Variants in ENTREP1 observed in about 807,000 individuals in gnomAD.
The protein encoded by ENTREP1 is Friedreich ataxia region gene X123.
the ENTREP1 span, among the ~76,000 whole-genome samples, chr9:69,346,577 T>A: frequency 1.3e-5 from 2 of 152,354 alleles, no homozygotes; most frequent in East Asian, 3.9e-4. Context: ...ATAGTGATAT[T>A]TTACTTTTAT....
chr9:69,340,681 GCATGTGTGTGTGTA>G, the ENTREP1 span, among the ~76,000 whole-genome samples: 2 of 46,260 alleles, frequency 4.3e-5, no homozygotes, highest in Admixed American at 2.4e-4. Context: ...GTGTGTGCAT[GCATGTGTGTGTGTA>G]TGTGTGTGTG....
the ENTREP1 span, among the ~76,000 whole-genome samples, chr9:69,360,138 T>C: frequency 6.6e-6 from 1 of 152,250 alleles, no homozygotes; most frequent in Non-Finnish European, 1.5e-5. Context: ...TCCGAGTTCA[T>C]GTTTTTTATT....
the ENTREP1 span, among the ~76,000 whole-genome samples, chr9:69,341,043 T>A: frequency 1.3e-5 from 2 of 152,242 alleles, no homozygotes; most frequent in African/African-American, 2.4e-5. Flanking sequence ...TTTAAAAAAA[T>A]TTTTCTTTGG....
the ENTREP1 span, chr9:69,324,757 C>T: frequency 1.0e-6 from 1 of 985,714 alleles, no homozygotes; most frequent in Non-Finnish European, 1.2e-6. Context: ...CCTCCTTGGG[C>T]AAAAGTTTAA....
the ENTREP1 span, chr9:69,324,604 G>C: frequency 1.0e-6 from 1 of 985,278 alleles, no homozygotes; most frequent in South Asian, 4.7e-5. Context: ...CCGAGATGCC[G>C]GGAAAGCACT....
chr9:69,339,580 A>C, the ENTREP1 span, among the ~76,000 whole-genome samples: 1 of 152,158 alleles, frequency 6.6e-6, no homozygotes, highest in South Asian at 2.1e-4. Context: ...CCTCTGCCTC[A>C]GTTTCCCGAG....
At chr9:69,359,379 T>C in the ENTREP1 span, among the ~76,000 whole-genome samples, 1 of 152,288 alleles carries the variant, frequency 6.6e-6, no homozygotes, top group African/African-American at 2.4e-5. Context: ...TCATCTTGAA[T>C]TGTAATTCCC....
chr9:69,325,637 TG>T, the ENTREP1 span: 3 of 1,231,202 alleles, frequency 2.4e-6, no homozygotes, highest in South Asian at 1.2e-4. Context: ...CTTGGGCTGC[TG>T]CATGGTGGCG....
At chr9:69,360,905 A>G in the ENTREP1 span, among the ~76,000 whole-genome samples, 1 of 152,196 alleles carries the variant, frequency 6.6e-6, no homozygotes, top group Non-Finnish European at 1.5e-5. Context: ...TTGCAAAAAA[A>G]AAAAGTAAAA....
chr9:69,330,397 A>G, the ENTREP1 span, among the ~76,000 whole-genome samples: 2 of 152,158 alleles, frequency 1.3e-5, no homozygotes, highest in African/African-American at 4.8e-5. Flanking sequence ...ATTATTCTTT[A>G]TCAGTTGTAT....
the ENTREP1 span, among the ~76,000 whole-genome samples, chr9:69,363,623 C>G: frequency 1.3e-5 from 2 of 152,300 alleles, no homozygotes; most frequent in African/African-American, 4.8e-5. Flanking sequence ...CAGAGGACCC[C>G]TGAGAGCCTG....
At chr9:69,370,141 G>T in the ENTREP1 span, among the ~76,000 whole-genome samples, 1 of 152,090 alleles carries the variant, frequency 6.6e-6, no homozygotes, top group African/African-American at 2.4e-5. Flanking sequence ...TTGGCGTACT[G>T]ATGGGCATTA....
the ENTREP1 span, among the ~76,000 whole-genome samples, chr9:69,378,746 G>A: frequency 7.9e-6 from 1 of 126,862 alleles, no homozygotes; most frequent in East Asian, 2.1e-4. Context: ...GTGAGAGCGA[G>A]ACTTTGTCTC....
chr9:69,334,556 A>G, the ENTREP1 span, among the ~76,000 whole-genome samples: 1 of 152,210 alleles, frequency 6.6e-6, no homozygotes, highest in Non-Finnish European at 1.5e-5. Flanking sequence ...AATTTGAACA[A>G]GTATAATGTG....
At chr9:69,332,553 GATT>G in the ENTREP1 span, among the ~76,000 whole-genome samples, 1 of 152,086 alleles carries the variant, frequency 6.6e-6, no homozygotes, top group Non-Finnish European at 1.5e-5. Flanking sequence ...TACATTTTGA[GATT>G]ATTGATGTTT....
chr9:69,348,657 A>G, the ENTREP1 span, among the ~76,000 whole-genome samples: 1 of 152,078 alleles, frequency 6.6e-6, no homozygotes, highest in Non-Finnish European at 1.5e-5. Context: ...GTCTTCATAG[A>G]TTTGCCCATT....
the ENTREP1 span, among the ~76,000 whole-genome samples, chr9:69,373,483 A>G: frequency 6.6e-6 from 1 of 152,054 alleles, no homozygotes; most frequent in Non-Finnish European, 1.5e-5. Context: ...TTTTTTTTTA[A>G]ATGAGGTATA....
At chr9:69,350,798 C>T in the ENTREP1 span, among the ~76,000 whole-genome samples, 2 of 152,134 alleles carry the variant, frequency 1.3e-5, no homozygotes, top group African/African-American at 4.8e-5. Context: ...TTGCTTGATG[C>T]CTTTTGTCAC....
chr9:69,383,411 T>C, the ENTREP1 span: 4 of 1,373,042 alleles, frequency 2.9e-6, no homozygotes, highest in East Asian at 8.6e-5. Flanking sequence ...AAAGCAATGA[T>C]GGGGTTGCAT....
Sources: allele counts gnomAD v4.1 joint callset (sites outside exome capture counted in the v4.1 genomes callset), GRCh38; gene constraint gnomAD v4.1.1; transcripts MANE v1.5; gene names NCBI Gene and HGNC (gene_info 2026-07-23, HGNC 2026-07-21).